Variants in LAMA4 observed in about 807,000 individuals in gnomAD.
The protein encoded by LAMA4 is laminin subunit alpha 4.
LAMA4 carries 127 observed loss-of-function variants against 207.1 expected under a neutral mutation model. The ratio of observed to expected loss-of-function variants is 0.61; its 90% CI spans 0.53 to 0.71. LAMA4 has a LOEUF of 0.71. Ranked by LOEUF, LAMA4 falls within the 30% of genes least tolerant of loss-of-function variation. The pLI is 0.00. For synonymous variants in LAMA4, 761 were observed against 816.0 expected (o/e 0.93, Z 1.15); for missense variants, 2,093 against 2,246.5 (o/e 0.93, Z 1.38).
rs781865506 is a variant in LAMA4, at chr6:112,136,113, T to G, written c.3414+10A>C. On this transcript the variant is annotated intron_variant, in intron 25 of 38. Coordinates refer to ENST00000230538, the MANE Select transcript of LAMA4 (RefSeq NM_001105206.3). ...AAAAACAAAACCAACCAAACTACAA[T>G]GATTTGTACCTCATGGTATTTTGCA... 3.7e-6 allele frequency: 6 copies of G among 1,610,994 alleles called. No homozygotes were observed. The highest frequency in any genetic ancestry group is 4.2e-6 in the Non-Finnish European group (5 of 1,179,012).
chr6:112,180,819 A>G (rs762199865), intron 9 of LAMA4, among the ~76,000 whole-genome samples: 10 of 152,196 alleles, frequency 6.6e-5, no homozygotes, highest in Non-Finnish European at 1.5e-4. Flanking sequence ...AACCAATAGT[A>G]GGAATATTGG....
chr6:112,197,565 G>A (rs368278756), intron 5 of LAMA4, among the ~76,000 whole-genome samples: 19 of 152,220 alleles, frequency 1.2e-4, no homozygotes, highest in African/African-American at 2.2e-4. Context: ...GTTTTTACAT[G>A]TCTTGAAAAC....
chr6:112,167,891 CACA>C (rs1412215353), intron 12 of LAMA4, among the ~76,000 whole-genome samples: 5 of 132,858 alleles, frequency 3.8e-5, no homozygotes, highest in African/African-American at 1.2e-4. Context: ...CACACACACA[CACA>C]GAGTTATGCA....
In LAMA4 at chr6:112,183,329, T is replaced by C. The variant is rs184524977; in HGVS notation, c.1077+1908A>G. ...CCAGCCCTGGGCATTTGTTTTGAAA[T>C]GTTTCAGCAGGTTTTTGCACCATCA... On this transcript the variant is annotated intron_variant, in intron 9 of 38. Transcript: ENST00000230538. 3.1e-3 allele frequency among the ~76,000 whole-genome samples: 479 copies of C among 152,272 alleles called. 4 individuals carry two copies. The highest frequency in any genetic ancestry group is 0.011 in the African/African-American group (459 of 41,564).
chr6:112,211,826 C>T (rs1198166391), intron 3 of LAMA4, among the ~76,000 whole-genome samples: 2 of 152,274 alleles, frequency 1.3e-5, no homozygotes, highest in East Asian at 3.9e-4. Context: ...GGAGGAGAAA[C>T]TCCTGGAGGA....
At chr6:112,217,046 G>C (rs1295550603) in intron 2 of LAMA4, among the ~76,000 whole-genome samples, 1 of 152,210 alleles carries the variant, frequency 6.6e-6, no homozygotes, top group Non-Finnish European at 1.5e-5. Flanking sequence ...GTCAAGTCCT[G>C]TGTGGGTGCT....
intron 16 of LAMA4, 42 bp downstream of exon 16, chr6:112,154,809 A>C (rs1554336491): frequency 2.6e-6 from 3 of 1,176,126 alleles, no homozygotes; most frequent in Non-Finnish European, 3.8e-6. Flanking sequence ...GGAGGGAAGC[A>C]GCTATAAATT....
chr6:112,121,940 C>A lies in LAMA4; in HGVS notation c.4475+74G>T, dbSNP rs80288537. ...CACAGAAAGGAAAGATGGGAAAAAA[C>A]GATGACATGTGACAAACAAAGATGG... On this transcript the variant is annotated intron_variant, in intron 32 of 38. Transcript: ENST00000230538. 2.5e-3 allele frequency: 3,355 copies of A among 1,353,796 alleles called. 56 individuals carry two copies. In the African/African-American group the frequency reaches 0.035, roughly 14 times the overall value. 83.9% of individuals were successfully genotyped at this position (1,353,796 alleles called of 1,614,324 possible). A position where few individuals can be genotyped will look rare whatever the true frequency, so the allele number is the denominator to read the frequency against.
chr6:112,176,802 C>T (rs919072410), intron 10 of LAMA4, among the ~76,000 whole-genome samples: 18 of 152,102 alleles, frequency 1.2e-4, no homozygotes, highest in Admixed American at 3.9e-4. Flanking sequence ...TTTTTGGAGA[C>T]GATTCACACA....
chr6:112,181,024 C>T (rs1403471457), intron 9 of LAMA4, among the ~76,000 whole-genome samples: 1 of 152,210 alleles, frequency 6.6e-6, no homozygotes, highest in African/African-American at 2.4e-5. Context: ...TCTTAGTCAT[C>T]CACGTCTCAG....
chr6:112,199,346 G>A (rs1365469151), intron 5 of LAMA4, among the ~76,000 whole-genome samples: 3 of 152,062 alleles, frequency 2.0e-5, no homozygotes, highest in Admixed American at 2.0e-4. Flanking sequence ...CCCCGTGGGG[G>A]CCATTGAACA....
intron 9 of LAMA4, 134 bp from the exon 10 acceptor site, chr6:112,178,366 T>G (rs1782147521): frequency 1.4e-6 from 1 of 695,818 alleles, no homozygotes; most frequent in Admixed American, 2.2e-5. Flanking sequence ...CTATAACACA[T>G]GAAATCATCC....
intron 5 of LAMA4, among the ~76,000 whole-genome samples, chr6:112,199,050 T>C (rs4945898): frequency 0.62 from 93,529 of 152,018 alleles, 31,114 homozygotes; most frequent in African/African-American, 0.89. Context: ...ACTTTCACTT[T>C]CCAAACCAGT....
In LAMA4 at chr6:112,109,350, G is replaced by A; in HGVS notation, c.*87C>T. The A allele has an allele frequency of 6.9e-7, 1 of 1,442,800 alleles. No individual in the cohort carries two copies. Among genetic ancestry groups the A allele is most frequent in the Non-Finnish European group, 9.7e-7 (1 of 1,034,066 alleles). The allele number at this position is 1,442,800 out of a possible 1,614,324, so 89.4% of individuals were successfully genotyped here. A position where few individuals can be genotyped will look rare whatever the true frequency, so the allele number is the denominator to read the frequency against. On this transcript the variant is annotated 3_prime_UTR_variant, in exon 39 of 39. Coordinates refer to ENST00000230538, the MANE Select transcript of LAMA4 (RefSeq NM_001105206.3). ...AACTCGATGAAAGCTTCCACCCGAA[G>A]GAAGAGTTACTGTTCCTCCTGGCTG...
chr6:112,138,850 A>G (rs1779509592), intron 24 of LAMA4, among the ~76,000 whole-genome samples: 1 of 152,144 alleles, frequency 6.6e-6, no homozygotes, highest in South Asian at 2.1e-4. Flanking sequence ...TTCTGCAGAC[A>G]CCCTGCTCAT....
Position 112,178,233 on chromosome 6 carries a change from C to T in LAMA4, c.1078-1G>A. On this transcript the variant is annotated splice_acceptor_variant, in intron 9 of 38. Transcript: ENST00000230538. LOFTEE classifies it high-confidence loss of function. ...GTCCTTTTCTGGAGGCTTGATTTTCCTACAAATAATCCGTATAAAGGCTAG... is the reference window on the plus strand; with the variant it reads ...GTCCTTTTCTGGAGGCTTGATTTTCTTACAAATAATCCGTATAAAGGCTAG... 1.2e-6 allele frequency: 2 copies of T among 1,605,080 alleles called. No individual in the cohort carries two copies. Among genetic ancestry groups the T allele is most frequent in the Non-Finnish European group, 1.7e-6 (2 of 1,172,018 alleles).
rs1554330487 is a variant in LAMA4, at chr6:112,133,300, G to A, written c.3696+49C>T. 6 of 1,599,018 alleles carry A rather than the reference G, an allele frequency of 3.8e-6. No individual in the cohort carries two copies. In the Admixed American group the frequency reaches 8.3e-5, roughly 22 times the overall value. ...AAAAGAACTTTTCCAGCTTTTGAGA[G>A]TGATAAGTATTGTGTCTATTAAAAA... is the stretch of plus-strand genomic sequence containing the variant. On this transcript the variant is annotated intron_variant, in intron 27 of 38. Coordinates refer to ENST00000230538, the MANE Select transcript of LAMA4 (RefSeq NM_001105206.3).
At chr6:112,195,383 A>T (rs3777928) in intron 5 of LAMA4, among the ~76,000 whole-genome samples, 1 of 152,032 alleles carries the variant, frequency 6.6e-6, no homozygotes. Flanking sequence ...CTAGAGAGTA[A>T]GGAATCATAA....
intron 14 of LAMA4, chr6:112,157,833 A>T (rs570345312): frequency 6.6e-6 from 1 of 152,344 alleles, no homozygotes; most frequent in Non-Finnish European, 1.5e-5. Flanking sequence ...GGGCCATGAT[A>T]CCGAGTGGGA....
Sources: gnomAD v4.1 joint callset for allele counts (sites outside exome capture counted in the v4.1 genomes callset) on GRCh38, gnomAD v4.1.1 for gene constraint, MANE v1.5 for transcripts, NCBI Gene and HGNC (gene_info 2026-07-23, HGNC 2026-07-21) for gene names.